The following CTTNBP2NL variants were observed in gnomAD, a reference collection of about 807,000 sequenced individuals.
CTTNBP2NL encodes the protein CTTNBP2 N-terminal like.
In CTTNBP2NL, 16 loss-of-function variants were observed where a neutral mutation model predicts 32.5. That is an observed-to-expected ratio of 0.49 (90% CI 0.33 to 0.75). CTTNBP2NL has a LOEUF of 0.75. Among genes scored for constraint, CTTNBP2NL ranks in the 30% least tolerant of loss-of-function variants. CTTNBP2NL has a pLI of 0.02. For synonymous variants in CTTNBP2NL, 298 were observed against 289.4 expected (o/e 1.03, Z -0.30); for missense variants, 645 against 756.0 (o/e 0.85, Z 1.72).
rs1181936857 is a variant in CTTNBP2NL at position 112,461,118 on chromosome 1, G to A, written c.*3706G>A. On this transcript the variant is annotated 3_prime_UTR_variant, in exon 6 of 6. Transcript: ENST00000271277. Reference sequence around the variant, plus strand: ...GAGAGCCTGTCCACCCACCATTTGTGTATCAGTGGCCAATTCATTAGTAAA... The same window carrying A: ...GAGAGCCTGTCCACCCACCATTTGTATATCAGTGGCCAATTCATTAGTAAA... 1.3e-5 allele frequency: 2 copies of A among 152,142 alleles called. No homozygotes were observed. Among genetic ancestry groups the A allele is most frequent in the African/African-American group, 2.4e-5 (1 of 41,416 alleles). The allele number at this position is 152,142 out of a possible 1,614,324, so 9.4% of individuals were successfully genotyped here. A position where few individuals can be genotyped will look rare whatever the true frequency, so the allele number is the denominator to read the frequency against.
chr1:112,422,175 T>C (rs1649251841), intron 3 of CTTNBP2NL, among the ~76,000 whole-genome samples: 2 of 152,212 alleles, frequency 1.3e-5, no homozygotes, highest in South Asian at 4.1e-4. Context: ...ACCACTGATC[T>C]GCTTTCTGTC....
At chr1:112,401,449 A>G (rs1219642138) in intron 1 of CTTNBP2NL, among the ~76,000 whole-genome samples, 2 of 152,200 alleles carry the variant, frequency 1.3e-5, no homozygotes, top group Admixed American at 6.5e-5. Context: ...TCTAAGCTCT[A>G]CTATCTTTAA....
chr1:112,399,471 C>A (rs1381786884), intron 1 of CTTNBP2NL, among the ~76,000 whole-genome samples: 3 of 152,072 alleles, frequency 2.0e-5, no homozygotes, highest in Admixed American at 1.3e-4. Flanking sequence ...AGCCTTGGGT[C>A]CCTAAGTGTA....
At chr1:112,413,275 C>T (rs1648938481) in intron 2 of CTTNBP2NL, among the ~76,000 whole-genome samples, 1 of 152,108 alleles carries the variant, frequency 6.6e-6, no homozygotes, top group Non-Finnish European at 1.5e-5. Flanking sequence ...TAAACTAGAA[C>T]CAAGAAGGAC....
At chr1:112,439,656 A>C (rs1052452177) in intron 3 of CTTNBP2NL, among the ~76,000 whole-genome samples, 4 of 152,204 alleles carry the variant, frequency 2.6e-5, no homozygotes, top group African/African-American at 9.7e-5. Context: ...TCAAGTTCAT[A>C]GGGTTAACTT....
At chr1:112,423,140 A>G (rs1238348074) in intron 3 of CTTNBP2NL, among the ~76,000 whole-genome samples, 1 of 151,498 alleles carries the variant, frequency 6.6e-6, no homozygotes, top group African/African-American at 2.4e-5. Flanking sequence ...TCTTTTGCCC[A>G]TTTTTTTTAA....
intron 1 of CTTNBP2NL, among the ~76,000 whole-genome samples, chr1:112,398,493 C>T (rs1366249667): frequency 6.6e-6 from 1 of 152,048 alleles, no homozygotes; most frequent in East Asian, 1.9e-4. Flanking sequence ...GAGGCTGTCA[C>T]CTTAGGGTAG....
chr1:112,418,344 C>T (rs1389712343), intron 3 of CTTNBP2NL, among the ~76,000 whole-genome samples: 1 of 152,088 alleles, frequency 6.6e-6, no homozygotes, highest in Non-Finnish European at 1.5e-5. Flanking sequence ...CTAGAGCCCC[C>T]CATAATTACG....
rs397981257 is a variant in CTTNBP2NL at position 112,408,220 on chromosome 1, A to ATTTTTT, written c.-133-3957_-133-3952dup. Among the ~76,000 whole-genome samples the ATTTTTT allele has an allele frequency of 1.5e-3, 152 of 103,712 alleles. 1 individual carries two copies. The highest frequency in any genetic ancestry group is 2.3e-3 in the East Asian group (9 of 3,900). 68.0% of individuals were successfully genotyped at this position (103,712 alleles called of 152,430 possible). A position where few individuals can be genotyped will look rare whatever the true frequency, so the allele number is the denominator to read the frequency against. On this transcript the variant is annotated intron_variant, in intron 1 of 5. Transcript: ENST00000271277. ...AATTACTTTCTTTCTTTTTTTTTTA[A>ATTTTTT]TTTTTTTTTTTTTTTTTTTTTTGCT...
At chr1:112,411,138 A>C (rs2100997887) in intron 1 of CTTNBP2NL, among the ~76,000 whole-genome samples, 1 of 152,296 alleles carries the variant, frequency 6.6e-6, no homozygotes, top group Non-Finnish European at 1.5e-5. Flanking sequence ...ACAAATTCAT[A>C]CTTCCTGTCC....
chr1:112,451,122 G>GTTTTTTCT (rs1228232751), intron 4 of CTTNBP2NL, among the ~76,000 whole-genome samples: 1 of 151,702 alleles, frequency 6.6e-6, no homozygotes, highest in African/African-American at 2.4e-5. Flanking sequence ...CAGGCAACCA[G>GTTTTTTCT]TTTTTTCTTT....
At chr1:112,449,670 A>G (rs1415918344) in intron 4 of CTTNBP2NL, among the ~76,000 whole-genome samples, 3 of 151,946 alleles carry the variant, frequency 2.0e-5, no homozygotes, top group South Asian at 2.1e-4. Flanking sequence ...TGCTCATGAA[A>G]CCATAAACAG....
chr1:112,438,875 A>G (rs1649817349), intron 3 of CTTNBP2NL, among the ~76,000 whole-genome samples: 1 of 152,168 alleles, frequency 6.6e-6, no homozygotes, highest in African/African-American at 2.4e-5. Flanking sequence ...CTGCAATGCA[A>G]TGATAGCCCA....
At chr1:112,449,626 A>G (rs1295836067) in intron 4 of CTTNBP2NL, among the ~76,000 whole-genome samples, 2 of 151,772 alleles carry the variant, frequency 1.3e-5, no homozygotes, top group Admixed American at 6.6e-5. Flanking sequence ...ATTTATTCCT[A>G]TTATTCCTAG....
chr1:112,406,978 T>C (rs1170501998), intron 1 of CTTNBP2NL, among the ~76,000 whole-genome samples: 2 of 152,342 alleles, frequency 1.3e-5, no homozygotes, highest in Non-Finnish European at 2.9e-5. Context: ...CTTGGCACCA[T>C]TGTAATTTCT....
chr1:112,399,213 G>T (rs1648422736), intron 1 of CTTNBP2NL, among the ~76,000 whole-genome samples: 1 of 151,710 alleles, frequency 6.6e-6, no homozygotes, highest in Non-Finnish European at 1.5e-5. Context: ...TAGCTACTCA[G>T]GAGGCTGAGG....
intron 3 of CTTNBP2NL, among the ~76,000 whole-genome samples, chr1:112,424,054 A>C (rs953004088): frequency 6.6e-6 from 1 of 152,000 alleles, no homozygotes; most frequent in African/African-American, 2.4e-5. Flanking sequence ...TTTTGTTTTT[A>C]ATGTTATATC....
At position 112,457,327 on chromosome 1, in the gene CTTNBP2NL, C is replaced by T; in HGVS notation, c.1835C>T (p.Ala612Val). 3.1e-6 allele frequency: 5 copies of T among 1,614,196 alleles called. No homozygotes were observed. Among genetic ancestry groups the T allele is most frequent in the Non-Finnish European group, 4.2e-6 (5 of 1,180,034 alleles). ...THSQAASLTT[A>V]EDLASSCSSN... ...TCCCAGGCAGCCTCTTTGACCACTG[C>T]AGAAGACCTTGCCAGCAGCTGCTCT... The change falls in exon 6 of 6, where the codon GCA (alanine) becomes GTA (valine). Residue 612 changes from alanine to valine, a missense_variant. Coordinates refer to ENST00000271277, the MANE Select transcript of CTTNBP2NL (RefSeq NM_018704.3).
chr1:112,408,013 A>C (rs779317121), intron 1 of CTTNBP2NL, among the ~76,000 whole-genome samples: 4 of 150,958 alleles, frequency 2.6e-5, no homozygotes, highest in Non-Finnish European at 5.9e-5. Context: ...TGCCTGGCTA[A>C]TTTTTGCATT....
Sources: allele counts gnomAD v4.1 joint callset (sites outside exome capture counted in the v4.1 genomes callset), GRCh38; gene constraint gnomAD v4.1.1; transcripts MANE v1.5; gene names NCBI Gene and HGNC (gene_info 2026-07-23, HGNC 2026-07-21).